Variants in THSD7B observed in about 807,000 individuals in gnomAD.
THSD7B encodes the protein thrombospondin type-1 domain-containing protein 7B.
THSD7B carries 138 observed loss-of-function variants against 213.6 expected under a neutral mutation model. That is an observed-to-expected ratio of 0.65 (90% CI 0.56 to 0.74). The LOEUF (loss-of-function observed/expected upper bound fraction) is 0.74. Ranked by LOEUF, THSD7B falls within the 30% of genes least tolerant of loss-of-function variation. The pLI, the probability that THSD7B is intolerant of heterozygous loss-of-function variation, is 0.00. For missense variants in THSD7B, 1,931 were observed against 1,991.5 expected (o/e 0.97, Z 0.58); for synonymous variants, 742 against 687.0 (o/e 1.08, Z -1.25).
chr2:137,599,023 T>C, intron 17 of THSD7B, among the ~76,000 whole-genome samples: 1 of 123,000 alleles, frequency 8.1e-6, no homozygotes. Flanking sequence ...CCCAATGCTA[T>C]CCCTCCCCCC....
intron 2 of THSD7B, among the ~76,000 whole-genome samples, chr2:136,977,801 GTTTTTT>G (rs56053958): frequency 0.54 from 56,558 of 105,324 alleles, 13,187 homozygotes; most frequent in Non-Finnish European, 0.6. Context: ...TCTTTTCTTT[GTTTTTT>G]TTTTTTTTTT....
intron 27 of THSD7B, among the ~76,000 whole-genome samples, chr2:137,672,104 C>T (rs191365837): frequency 1.3e-5 from 2 of 151,878 alleles, no homozygotes; most frequent in East Asian, 1.9e-4. Context: ...ATTTATTGAG[C>T]AAATATATAA....
intron 20 of THSD7B, among the ~76,000 whole-genome samples, chr2:137,622,127 C>G (rs1682531983): frequency 6.6e-6 from 1 of 152,186 alleles, no homozygotes; most frequent in African/African-American, 2.4e-5. Flanking sequence ...AAGACCATCA[C>G]AAAGGGGATC....
At chr2:137,448,115 T>G (rs72851707) in intron 14 of THSD7B, among the ~76,000 whole-genome samples, 11,802 of 152,220 alleles carry the variant, frequency 0.078, 690 homozygotes, top group Non-Finnish European at 0.12. Flanking sequence ...AGAAGAAAAC[T>G]CAGAAGAATG....
At chr2:137,454,474 CTA>C (rs1687722681) in intron 15 of THSD7B, among the ~76,000 whole-genome samples, 2 of 144,702 alleles carry the variant, frequency 1.4e-5, no homozygotes, top group South Asian at 2.2e-4. Flanking sequence ...ATCTATCTAT[CTA>C]TGTGTGTGTG....
chr2:137,580,553 C>A (rs894953404), intron 17 of THSD7B, among the ~76,000 whole-genome samples: 6 of 152,164 alleles, frequency 3.9e-5, no homozygotes, highest in African/African-American at 1.4e-4. Flanking sequence ...CCTAGACATA[C>A]ATACTTTATT....
intron 14 of THSD7B, among the ~76,000 whole-genome samples, chr2:137,450,100 G>A (rs1394797763): frequency 6.6e-6 from 1 of 152,056 alleles, no homozygotes; most frequent in African/African-American, 2.4e-5. Context: ...AAATTAGAGT[G>A]GTTCAGTAGA....
intron 17 of THSD7B, among the ~76,000 whole-genome samples, chr2:137,611,016 T>TAA (rs1010504957): frequency 2.0e-5 from 3 of 147,538 alleles, no homozygotes; most frequent in South Asian, 2.1e-4. Flanking sequence ...AAATAAAAAA[T>TAA]AAAATAAAAA....
intron 17 of THSD7B, among the ~76,000 whole-genome samples, chr2:137,584,593 TC>T (rs1681672305): frequency 6.6e-6 from 1 of 152,184 alleles, no homozygotes; most frequent in Admixed American, 6.5e-5. Flanking sequence ...ATTGAGATAA[TC>T]ATGTCATTTA....
intron 15 of THSD7B, among the ~76,000 whole-genome samples, chr2:137,521,286 A>G (rs1473532868): frequency 6.6e-6 from 1 of 152,010 alleles, no homozygotes; most frequent in South Asian, 2.1e-4. Context: ...AACAAAACAG[A>G]TATTTGTTGA....
Position 136,779,963 on chromosome 2 carries a change from T to C in THSD7B, c.-36+14276T>C, listed in dbSNP as rs976867299. 6.6e-5 allele frequency among the ~76,000 whole-genome samples: 10 copies of C among 152,040 alleles called. No individual in the cohort carries two copies. In the East Asian group the frequency reaches 1.9e-3, roughly 29 times the overall value. ...AAGAGTCTGGTCCGAATCAGTAAAA[T>C]TTAAAGGCCAGAGTTGAAGGGATGT... is the stretch of plus-strand genomic sequence containing the variant. On this transcript the variant is annotated intron_variant, in intron 1 of 27. Coordinates refer to ENST00000409968, the MANE Select transcript of THSD7B (RefSeq NM_001316349.2).
intron 5 of THSD7B, among the ~76,000 whole-genome samples, chr2:137,156,712 C>T (rs899869376): frequency 6.6e-6 from 1 of 152,118 alleles, no homozygotes; most frequent in Non-Finnish European, 1.5e-5. Context: ...AACGTATTTC[C>T]CAGGCTTTTT....
intron 12 of THSD7B, among the ~76,000 whole-genome samples, chr2:137,276,525 T>C (rs1682876779): frequency 6.6e-6 from 1 of 152,088 alleles, no homozygotes; most frequent in South Asian, 2.1e-4. Context: ...AAAAAGGAAG[T>C]AGTAAAATTT....
chr2:137,115,140 T>A lies in THSD7B; in HGVS notation c.1216T>A (p.Ser406Thr), dbSNP rs774576880. 1.7e-5 allele frequency: 28 copies of A among 1,613,820 alleles called. No individual in the cohort carries two copies. In the South Asian group the frequency reaches 2.7e-4, roughly 16 times the overall value. Residue 406 changes from serine (S) to threonine (T), a missense_variant, in exon 5 of 28, where the codon TCT becomes ACT. Coordinates refer to ENST00000409968, the MANE Select transcript of THSD7B (RefSeq NM_001316349.2). The stretch of plus-strand genomic sequence containing the variant: ...ACCAAACAGGTATTCCTGGAGAACT[T>A]CTGAATGGAAAGAATGCCAAGTCTC... ...QQCPRYSWRT[S>T]EWKECQVSLL... is the part of the protein sequence containing the mutation.
chr2:137,408,611 A>G (rs1185944806), intron 13 of THSD7B, among the ~76,000 whole-genome samples: 1 of 152,234 alleles, frequency 6.6e-6, no homozygotes, highest in Non-Finnish European at 1.5e-5. Flanking sequence ...TGCTGGCTTA[A>G]AGCAGCACAG....
chr2:137,381,811 C>A (rs983482049), intron 12 of THSD7B, among the ~76,000 whole-genome samples: 2 of 152,154 alleles, frequency 1.3e-5, no homozygotes, highest in African/African-American at 4.8e-5. Flanking sequence ...TGCTGTGTGA[C>A]CCAGTCCCAC....
At chr2:137,026,342 C>T (rs1488254602) in intron 2 of THSD7B, among the ~76,000 whole-genome samples, 1 of 152,182 alleles carries the variant, frequency 6.6e-6, no homozygotes, top group African/African-American at 2.4e-5. Context: ...TTTGCCCTCT[C>T]AGAAGATCTG....
At chr2:136,899,904 C>T (rs1453514930) in intron 2 of THSD7B, among the ~76,000 whole-genome samples, 2 of 152,174 alleles carry the variant, frequency 1.3e-5, no homozygotes, top group African/African-American at 2.4e-5. Flanking sequence ...GCCTGCTGCT[C>T]ATAGCATGTC....
intron 1 of THSD7B, among the ~76,000 whole-genome samples, chr2:136,792,005 G>A (rs1204240259): frequency 6.6e-6 from 1 of 151,832 alleles, no homozygotes; most frequent in African/African-American, 2.4e-5. Flanking sequence ...AGTGTATGAG[G>A]GTTTCAATTT....
Sources: gnomAD v4.1 joint callset for allele counts (sites outside exome capture counted in the v4.1 genomes callset) on GRCh38, gnomAD v4.1.1 for gene constraint, MANE v1.5 for transcripts, NCBI Gene and HGNC (gene_info 2026-07-23, HGNC 2026-07-21) for gene names.